The following LINGO2 variants were observed in gnomAD, a reference collection of about 807,000 sequenced individuals.
LINGO2 encodes leucine-rich repeat and immunoglobulin-like domain-containing nogo receptor-interacting protein 2.
A neutral mutation model predicts 30.6 loss-of-function variants in LINGO2; 14 were observed. The observed-to-expected ratio is 0.46, with a 90% CI of 0.30 to 0.72. The LOEUF (loss-of-function observed/expected upper bound fraction) is 0.72. Ranked by LOEUF, LINGO2 falls within the 30% of genes least tolerant of loss-of-function variation. The probability of loss-of-function intolerance (pLI) is 0.07; values close to 1 mark genes in which losing one functional copy is unlikely to be tolerated. For missense variants in LINGO2, 729 were observed against 751.7 expected, an observed-to-expected ratio of 0.97 and a Z score of 0.35; for synonymous variants, 317 against 288.5, an observed-to-expected ratio of 1.10 and a Z score of -1.00.
chr9:27,984,336 G>T (rs970850376), intron 5 of LINGO2, among the ~76,000 whole-genome samples: 1 of 151,862 alleles, frequency 6.6e-6, no homozygotes, highest in African/African-American at 2.4e-5. Context: ...TCATATGTGA[G>T]ACTCAACCAG....
chr9:29,119,061 A>G, the LINGO2 span, among the ~76,000 whole-genome samples: 1 of 152,046 alleles, frequency 6.6e-6, no homozygotes, highest in South Asian at 2.1e-4. Flanking sequence ...CTGGCTGAGG[A>G]CCCTGAAGCA....
At chr9:29,193,824 G>T in the LINGO2 span, among the ~76,000 whole-genome samples, 3 of 152,194 alleles carry the variant, frequency 2.0e-5, no homozygotes, top group Admixed American at 6.5e-5. Flanking sequence ...TCAGTTTGCT[G>T]AAGTCTTTCT....
the LINGO2 span, among the ~76,000 whole-genome samples, chr9:29,071,202 T>C: frequency 3.9e-5 from 5 of 129,548 alleles, no homozygotes; most frequent in South Asian, 2.5e-4. Flanking sequence ...TTGTATTGTA[T>C]TTTTTAGAGA....
the LINGO2 span, among the ~76,000 whole-genome samples, chr9:28,875,964 T>A: frequency 6.6e-6 from 1 of 152,126 alleles, no homozygotes; most frequent in African/African-American, 2.4e-5. Context: ...ATCAATCAAC[T>A]GGCTCTGACA....
the LINGO2 span, among the ~76,000 whole-genome samples, chr9:28,996,450 T>C: frequency 1.2e-4 from 18 of 152,150 alleles, no homozygotes; most frequent in Admixed American, 1.2e-3. Context: ...GGCACTCTTC[T>C]ATGGAAATAA....
At chr9:28,141,682 T>G (rs375851528) in intron 4 of LINGO2, among the ~76,000 whole-genome samples, 1 of 152,212 alleles carries the variant, frequency 6.6e-6, no homozygotes, top group African/African-American at 2.4e-5. Context: ...TTTGGGAGGC[T>G]GAGGCGGGCG....
chr9:28,841,119 T>C, the LINGO2 span, among the ~76,000 whole-genome samples: 2 of 151,902 alleles, frequency 1.3e-5, no homozygotes, highest in Non-Finnish European at 2.9e-5. Flanking sequence ...ACTGCTTATA[T>C]AGTCCTATAA....
the LINGO2 span, among the ~76,000 whole-genome samples, chr9:29,067,402 A>T: frequency 6.6e-6 from 1 of 151,786 alleles, no homozygotes; most frequent in Non-Finnish European, 1.5e-5. Context: ...AACTTTTAAA[A>T]ACTATCCTAT....
chr9:28,438,399 G>A (rs567430928), intron 2 of LINGO2, among the ~76,000 whole-genome samples: 2 of 152,220 alleles, frequency 1.3e-5, no homozygotes, highest in East Asian at 1.9e-4. Context: ...CTTGAGCTGC[G>A]ACATCCATCT....
chr9:28,243,288 C>G (rs1046687781), intron 4 of LINGO2, among the ~76,000 whole-genome samples: 3 of 151,948 alleles, frequency 2.0e-5, no homozygotes, highest in Non-Finnish European at 4.4e-5. Context: ...GAAACCCCAT[C>G]TGTACTAAAA....
chr9:28,290,667 G>A (rs1823693632), intron 4 of LINGO2, among the ~76,000 whole-genome samples: 1 of 152,192 alleles, frequency 6.6e-6, no homozygotes, highest in Non-Finnish European at 1.5e-5. Flanking sequence ...GAACTGGGGA[G>A]GGGCAAGGAA....
intron 4 of LINGO2, among the ~76,000 whole-genome samples, chr9:28,120,488 A>T (rs1827063368): frequency 6.6e-6 from 1 of 152,200 alleles, no homozygotes; most frequent in Admixed American, 6.5e-5. Context: ...GAAAGGGAAG[A>T]AACTTGGTAA....
the LINGO2 span, among the ~76,000 whole-genome samples, chr9:28,680,312 T>G: frequency 2.6e-5 from 4 of 152,094 alleles, no homozygotes; most frequent in Non-Finnish European, 5.9e-5. Context: ...TTTAAGAGAC[T>G]GGGTAGTATT....
chr9:28,110,268 G>T (rs917786210), intron 4 of LINGO2, among the ~76,000 whole-genome samples: 8 of 152,118 alleles, frequency 5.3e-5, no homozygotes, highest in Admixed American at 2.0e-4. Context: ...AGACTTCAAT[G>T]TAAAACTCCA....
the LINGO2 span, among the ~76,000 whole-genome samples, chr9:29,133,141 A>G: frequency 2.0e-5 from 3 of 152,274 alleles, no homozygotes; most frequent in Admixed American, 2.0e-4. Flanking sequence ...ACTTTCTCAA[A>G]ACACTGATAA....
At chr9:28,295,777 T>C (rs1823899410) in intron 3 of LINGO2, among the ~76,000 whole-genome samples, 2 of 152,146 alleles carry the variant, frequency 1.3e-5, no homozygotes, top group Non-Finnish European at 2.9e-5. Context: ...CCATGAGCAG[T>C]TAGAGCGAAA....
rs144271946 is a variant in LINGO2, at chr9:28,601,466, G to A, written c.-365+68734C>T. Among the ~76,000 whole-genome samples the A allele has an allele frequency of 2.1e-3, 325 of 152,182 alleles. 2 individuals carry two copies. Among genetic ancestry groups the A allele is most frequent in the African/African-American group, 7.6e-3 (315 of 41,534 alleles). ...TTCACATTAATGGCTTGATGAAGGGGGGACTGGAGGACTAGAGGTATCAGG... is the reference window on the plus strand; with the variant it reads ...TTCACATTAATGGCTTGATGAAGGGAGGACTGGAGGACTAGAGGTATCAGG... On this transcript the variant is annotated intron_variant, in intron 1 of 5. Coordinates refer to ENST00000379992, the Ensembl canonical transcript of LINGO2.
At chr9:28,469,429 T>G (rs1576735) in intron 2 of LINGO2, among the ~76,000 whole-genome samples, 103,002 of 151,890 alleles carry the variant, frequency 0.68, 35,100 homozygotes, top group East Asian at 0.83. Flanking sequence ...CTGAAAACTT[T>G]GCAAATTTGA....
intron 1 of LINGO2, among the ~76,000 whole-genome samples, chr9:28,512,417 C>A (rs1340637117): frequency 6.6e-6 from 1 of 151,492 alleles, no homozygotes; most frequent in Non-Finnish European, 1.5e-5. Context: ...TCCCTATCTG[C>A]CACTGACACC....
Sources: gnomAD v4.1 joint callset for allele counts (sites outside exome capture counted in the v4.1 genomes callset) on GRCh38, gnomAD v4.1.1 for gene constraint, MANE v1.5 for transcripts, NCBI Gene and HGNC (gene_info 2026-07-23, HGNC 2026-07-21) for gene names.